Variants in TBC1D14 observed in about 807,000 individuals in gnomAD.
TBC1D14 encodes the protein TBC1 domain family, member 14.
TBC1D14 carries 26 observed loss-of-function variants against 79.0 expected under a neutral mutation model. The ratio of observed to expected loss-of-function variants is 0.33; its 90% confidence interval spans 0.24 to 0.46. The LOEUF is 0.46. Ranked by LOEUF, TBC1D14 falls within the 20% of genes least tolerant of loss-of-function variation. The pLI is 1.00. For missense variants in TBC1D14, 769 were observed against 887.6 expected (o/e 0.87, Z 1.70); for synonymous variants, 394 against 349.9 (o/e 1.13, Z -1.40).
chr4:6,992,334 T>G (rs1036065649), intron 3 of TBC1D14, among the ~76,000 whole-genome samples: 1 of 152,286 alleles, frequency 6.6e-6, no homozygotes, highest in East Asian at 1.9e-4. Context: ...TGGGTTTGAG[T>G]GTATTCACAG....
chr4:6,947,857 A>G (rs1207255464), intron 2 of TBC1D14, among the ~76,000 whole-genome samples: 2 of 151,928 alleles, frequency 1.3e-5, no homozygotes, highest in Non-Finnish European at 2.9e-5. Flanking sequence ...TTTCAGGGTT[A>G]GTTAATGAAT....
intron 2 of TBC1D14, among the ~76,000 whole-genome samples, chr4:6,955,861 G>A (rs1327345387): frequency 6.6e-6 from 1 of 152,108 alleles, no homozygotes; most frequent in Non-Finnish European, 1.5e-5. Flanking sequence ...TAGCAGCCTC[G>A]GACACGTAAG....
intron 9 of TBC1D14, among the ~76,000 whole-genome samples, chr4:7,007,025 G>C (rs1433549997): frequency 6.6e-6 from 1 of 152,196 alleles, no homozygotes; most frequent in African/African-American, 2.4e-5. Context: ...GGGTGGCTGT[G>C]TCTGCTGGCG....
At chr4:7,002,198 G>A (rs570479961) in intron 7 of TBC1D14, among the ~76,000 whole-genome samples, 2 of 152,330 alleles carry the variant, frequency 1.3e-5, no homozygotes, top group South Asian at 2.1e-4. Context: ...ACAGAGGAAC[G>A]TGGGGGCCCG....
intron 11 of TBC1D14, among the ~76,000 whole-genome samples, chr4:7,013,651 G>A (rs1374637697): frequency 6.6e-6 from 1 of 152,140 alleles, no homozygotes; most frequent in Non-Finnish European, 1.5e-5. Context: ...GCCTCTGTCA[G>A]CTGGAGGGGT....
At chr4:6,977,853 C>G (rs1398062450) in intron 3 of TBC1D14, among the ~76,000 whole-genome samples, 1 of 151,040 alleles carries the variant, frequency 6.6e-6, no homozygotes, top group African/African-American at 2.4e-5. Context: ...TCTGCCCGGC[C>G]GCCCATCGTC....
rs1430262868 is a variant in TBC1D14, at chr4:6,923,536, G to A, written c.147G>A (p.Lys49=). The part of the protein sequence containing the change: ...RLLSAPEYGP[K]LKLRALEDRH... ...TCTCCGCGCCTGAGTACGGGCCCAA[G>A]CTGAAACTCAGGGCTTTAGAAGACC... Residue 49 remains lysine, a synonymous_variant, in exon 2 of 14, where the codon AAG becomes AAA. Coordinates refer to ENST00000409757, the MANE Select transcript of TBC1D14 (RefSeq NM_020773.3). 6.2e-7 allele frequency: 1 copy of A among 1,614,064 alleles called. No individual in the cohort carries two copies. The highest frequency in any genetic ancestry group is 1.7e-5 in the Admixed American group (1 of 59,996).
In TBC1D14 at chr4:7,010,636, T is replaced by A. The variant is rs1465196562; in HGVS notation, c.1519-17T>A. 6.2e-7 allele frequency: 1 copy of A among 1,608,158 alleles called. No homozygotes were observed. The highest frequency in any genetic ancestry group is 1.1e-5 in the South Asian group (1 of 90,170). ...GTGGCCACTGTGATTTTAACGTGCC[T>A]TTCTCTCCTCTCTCAGGTCCAGGGC... On this transcript the variant is annotated splice_polypyrimidine_tract_variant and intron_variant, in intron 10 of 13. Coordinates refer to ENST00000409757, the MANE Select transcript of TBC1D14 (RefSeq NM_020773.3).
intron 3 of TBC1D14, among the ~76,000 whole-genome samples, chr4:6,972,100 G>A (rs972724637): frequency 2.6e-5 from 4 of 152,180 alleles, no homozygotes; most frequent in Non-Finnish European, 4.4e-5. Context: ...GTGAGTAAAG[G>A]GGAACCTTCT....
At chr4:6,946,621 C>T (rs983286282) in intron 2 of TBC1D14, among the ~76,000 whole-genome samples, 4 of 152,024 alleles carry the variant, frequency 2.6e-5, no homozygotes, top group African/African-American at 7.2e-5. Flanking sequence ...ACATCCGGCC[C>T]CTTAGTGTTA....
chr4:7,012,280 C>T (rs548789650), intron 11 of TBC1D14, among the ~76,000 whole-genome samples: 194 of 138,774 alleles, frequency 1.4e-3, no homozygotes, highest in African/African-American at 4.7e-3. Context: ...CCAGCCTGGG[C>T]GACAGAGCGA....
chr4:6,980,493 C>T (rs1226680106), intron 3 of TBC1D14, among the ~76,000 whole-genome samples: 1 of 152,078 alleles, frequency 6.6e-6, no homozygotes, highest in East Asian at 1.9e-4. Flanking sequence ...AGCAAATAAA[C>T]CCAAAGCAAG....
intron 3 of TBC1D14, chr4:6,987,272 G>A: frequency 7.6e-7 from 1 of 1,318,938 alleles, no homozygotes; most frequent in South Asian, 2.1e-5. Context: ...CGGTCCGGGA[G>A]GGAGGGAGGG....
intron 7 of TBC1D14, among the ~76,000 whole-genome samples, chr4:7,001,736 C>T (rs1719697809): frequency 6.6e-6 from 1 of 152,038 alleles, no homozygotes; most frequent in Non-Finnish European, 1.5e-5. Context: ...CCATGCTCAC[C>T]GATCTCTCGC....
At chr4:7,006,997 G>A (rs1279055237) in intron 9 of TBC1D14, among the ~76,000 whole-genome samples, 1 of 152,174 alleles carries the variant, frequency 6.6e-6, no homozygotes, top group African/African-American at 2.4e-5. Flanking sequence ...TGTAGGTCTG[G>A]TCTGAGAGGG....
intron 3 of TBC1D14, among the ~76,000 whole-genome samples, chr4:6,975,361 A>G (rs1185735492): frequency 1.3e-5 from 2 of 151,782 alleles, no homozygotes; most frequent in Admixed American, 1.3e-4. Context: ...GGCACGTGAC[A>G]CCACACCTGG....
At position 6,923,586 on chromosome 4, in the gene TBC1D14, C is replaced by T. The variant is rs1305482815; in HGVS notation, c.197C>T (p.Ser66Leu). The change falls in exon 2 of 14, where the codon TCG (serine) becomes TTG (leucine). Residue 66 changes from serine (S) to leucine (L), a missense_variant. Ser to Leu is a moderately radical substitution (Grantham distance 145). Coordinates refer to ENST00000409757, the MANE Select transcript of TBC1D14 (RefSeq NM_020773.3). Reference protein sequence around the residue: ...EDRHSLQSVDSGIPTLEIGNP... With the variant: ...EDRHSLQSVDLGIPTLEIGNP... ...CGGCACAGCCTCCAGTCCGTGGACT[C>T]GGGGATTCCTACCCTGGAGATCGGG... The T allele has an allele frequency of 6.2e-6, 10 of 1,614,084 alleles. No individual in the cohort carries two copies. The highest frequency in any genetic ancestry group is 2.2e-5 in the East Asian group (1 of 44,874).
chr4:6,949,382 A>G (rs1170064818), intron 2 of TBC1D14, among the ~76,000 whole-genome samples: 2 of 152,150 alleles, frequency 1.3e-5, no homozygotes, highest in Non-Finnish European at 2.9e-5. Flanking sequence ...TGTTTATTAC[A>G]TGAAGACTTC....
chr4:6,916,373 A>G lies in TBC1D14; in HGVS notation c.-18+6422A>G, dbSNP rs1723403523. 2.6e-5 allele frequency among the ~76,000 whole-genome samples: 4 copies of G among 152,234 alleles called. No homozygotes were observed. The South Asian group carries it at 8.3e-4, about 31-fold the overall frequency. On this transcript the variant is annotated intron_variant, in intron 1 of 13. Transcript: ENST00000409757. ...GGTGGATATCTACACAGACGGCAGC[A>G]TGACTTCTCCCTGAAGCCACTAAGC...
Sources: allele counts gnomAD v4.1 joint callset (sites outside exome capture counted in the v4.1 genomes callset), GRCh38; gene constraint gnomAD v4.1.1; transcripts MANE v1.5; gene names NCBI Gene and HGNC (gene_info 2026-07-23, HGNC 2026-07-21).